The following SYCP2 variants were observed in gnomAD, a reference collection of about 807,000 sequenced individuals.
SYCP2 encodes synaptonemal complex protein 2.
In SYCP2, 55 loss-of-function variants were observed where a neutral mutation model predicts 211.3. That is an observed-to-expected ratio of 0.26 (90% CI 0.21 to 0.33). The LOEUF (loss-of-function observed/expected upper bound fraction) is 0.33. Ranked by LOEUF, SYCP2 falls within the 10% of genes least tolerant of loss-of-function variation. SYCP2 has a pLI of 1.00. For missense variants in SYCP2, 1,731 were observed against 1,752.0 expected (o/e 0.99, Z 0.21); for synonymous variants, 570 against 555.2 (o/e 1.03, Z -0.37).
chr20:59,896,266 C>T (rs974871433), intron 19 of SYCP2, among the ~76,000 whole-genome samples, 163 bp downstream of exon 19: 12 of 152,032 alleles, frequency 7.9e-5, no homozygotes, highest in African/African-American at 2.9e-4. Context: ...CATATGTTAG[C>T]ATTATACTTT....
chr20:59,864,446 C>A, intron 44 of SYCP2, 58 bp from the exon 45 acceptor site: 7 of 1,167,718 alleles, frequency 6.0e-6, no homozygotes, highest in Admixed American at 2.5e-5. Context: ...GTAAAACCAC[C>A]AAATAAAATA....
chr20:59,901,839 C>A, intron 15 of SYCP2, 29 bp from the exon 16 acceptor site: 1 of 1,519,178 alleles, frequency 6.6e-7, no homozygotes, highest in East Asian at 2.3e-5. Context: ...GATTAGTTTA[C>A]GTTTCTATGA....
At chr20:59,893,760 T>A (rs1367049558) in intron 20 of SYCP2, among the ~76,000 whole-genome samples, 167 bp from the exon 21 acceptor site, 1 of 152,022 alleles carries the variant, frequency 6.6e-6, no homozygotes, top group Non-Finnish European at 1.5e-5. Flanking sequence ...GAATATTCCC[T>A]ATCCTGAAAC....
Position 59,893,126 on chromosome 20 carries a change from G to GT in SYCP2, c.1793+15dup. The GT allele has an allele frequency of 1.9e-6, 3 of 1,571,272 alleles. No homozygotes were observed. In the East Asian group the frequency reaches 6.8e-5, roughly 36 times the overall value. On this transcript the variant is annotated intron_variant, in intron 22 of 44. Coordinates refer to ENST00000357552, the MANE Select transcript of SYCP2 (RefSeq NM_014258.4). ...TTAGTATAGACTAAATGATTTGATG[G>GT]TTTTCTCATACTTACATAGTATGAT... is the stretch of plus-strand genomic sequence containing the variant.
chr20:59,888,661 C>T (rs2059842733), intron 24 of SYCP2, among the ~76,000 whole-genome samples: 1 of 151,662 alleles, frequency 6.6e-6, no homozygotes, highest in Admixed American at 6.6e-5. Context: ...TGCAATAAGA[C>T]AGAAAAAGGA....
At chr20:59,907,525 G>A (rs951572313) in intron 14 of SYCP2, 101 bp from the exon 15 acceptor site, 1 of 904,104 alleles carries the variant, frequency 1.1e-6, no homozygotes, top group Non-Finnish European at 1.7e-6. Context: ...AATTCTTTTT[G>A]CTAGTCACTA....
At chr20:59,907,338 T>G in intron 15 of SYCP2, 26 bp downstream of exon 15, 1 of 1,479,982 alleles carries the variant, frequency 6.8e-7, no homozygotes, top group East Asian at 2.3e-5. Context: ...ATTAAGAAAA[T>G]TATTAGAAAA....
At chr20:59,885,793 A>G (rs957694822) in intron 26 of SYCP2, 135 bp downstream of exon 26, 55 of 722,458 alleles carry the variant, frequency 7.6e-5, no homozygotes, top group Non-Finnish European at 1.2e-4. Context: ...TAAACCTGTC[A>G]GTGGTTATCA....
At chr20:59,902,078 A>G (rs992994788) in intron 15 of SYCP2, among the ~76,000 whole-genome samples, 1 of 152,146 alleles carries the variant, frequency 6.6e-6, no homozygotes, top group Non-Finnish European at 1.5e-5. Flanking sequence ...TCTGGACTCT[A>G]ACAAATTCTT....
chr20:59,900,216 C>G lies in SYCP2; in HGVS notation c.1326G>C (p.Lys442Asn), dbSNP rs1414503980. The G allele has an allele frequency of 1.2e-6, 2 of 1,612,586 alleles. No individual in the cohort carries two copies. Among genetic ancestry groups the G allele is most frequent in the Non-Finnish European group, 1.7e-6 (2 of 1,179,376 alleles). ...EELVSLKEKS[K>N]SPKEFAKPSK... The stretch of plus-strand genomic sequence containing the variant: ...AAGGTTTAGCAAATTCCTTTGGGGA[C>G]TTTGATTTTTCCTTTAAACTAACGA... Residue 442 changes from lysine (K) to asparagine (N), a missense_variant, in exon 18 of 45, where the codon AAG becomes AAC. Transcript: ENST00000357552.
At chr20:59,874,536 C>T (rs1255865617) in intron 34 of SYCP2, among the ~76,000 whole-genome samples, 6 of 151,978 alleles carry the variant, frequency 3.9e-5, no homozygotes, top group Non-Finnish European at 7.4e-5. Flanking sequence ...CGAATCAGGG[C>T]ATGTACATCT....
intron 28 of SYCP2, 73 bp downstream of exon 28, chr20:59,881,872 C>G: frequency 8.2e-7 from 1 of 1,214,858 alleles, no homozygotes; most frequent in South Asian, 1.4e-5. Context: ...TAAAAACATT[C>G]TATGTAATAA....
At chr20:59,908,877 C>A (rs1042649393) in intron 14 of SYCP2, among the ~76,000 whole-genome samples, 25 of 152,122 alleles carry the variant, frequency 1.6e-4, no homozygotes, top group Non-Finnish European at 2.4e-4. Flanking sequence ...CCCAAAAAAA[C>A]CCCTACATTG....
At chr20:59,880,267 T>C in intron 31 of SYCP2, 36 bp downstream of exon 31, 3 of 1,501,046 alleles carry the variant, frequency 2.0e-6, no homozygotes, top group Non-Finnish European at 1.8e-6. Flanking sequence ...AACTGCAAAA[T>C]CATTTGCAAC....
intron 37 of SYCP2, 101 bp from the exon 38 acceptor site, chr20:59,868,669 A>C: frequency 7.4e-7 from 1 of 1,359,396 alleles, no homozygotes; most frequent in Non-Finnish European, 9.8e-7. Context: ...TCCACTAAGT[A>C]TTTTTATTAT....
chr20:59,915,404 T>G, intron 9 of SYCP2, 61 bp downstream of exon 9: 2 of 1,204,672 alleles, frequency 1.7e-6, no homozygotes, highest in Non-Finnish European at 2.4e-6. Context: ...CATAGTTGTC[T>G]GTCTTATAAA....
At chr20:59,908,288 A>C (rs748877069) in intron 14 of SYCP2, among the ~76,000 whole-genome samples, 9 of 152,150 alleles carry the variant, frequency 5.9e-5, no homozygotes, top group Non-Finnish European at 1.0e-4. Context: ...ACGAAAAAAA[A>C]CTAAATACTT....
chr20:59,926,560 G>A (rs1011465748), intron 2 of SYCP2, among the ~76,000 whole-genome samples: 1 of 151,936 alleles, frequency 6.6e-6, no homozygotes, highest in Admixed American at 6.6e-5. Flanking sequence ...TAAATAATAA[G>A]TTAATAACTT....
intron 24 of SYCP2, among the ~76,000 whole-genome samples, chr20:59,890,566 ATAGG>A (rs1409603464): frequency 1.3e-5 from 2 of 151,222 alleles, no homozygotes; most frequent in East Asian, 3.9e-4. Flanking sequence ...AAATAGGTAG[ATAGG>A]TAGGTAGGTA....
Sources: gnomAD v4.1 joint callset for allele counts (sites outside exome capture counted in the v4.1 genomes callset) on GRCh38, gnomAD v4.1.1 for gene constraint, MANE v1.5 for transcripts, NCBI Gene and HGNC (gene_info 2026-07-23, HGNC 2026-07-21) for gene names.